Variants in POLN observed in about 807,000 individuals in gnomAD.
POLN encodes the protein DNA polymerase nu, also known as DNA polymerase N.
In POLN, 108 loss-of-function variants were observed where a neutral mutation model predicts 113.5. That is an observed-to-expected ratio of 0.95 (90% CI 0.81 to 1.12). The LOEUF is 1.12. POLN is among the 50% of genes most tolerant of loss of function. The pLI is 0.00. For synonymous variants in POLN, 386 were observed against 391.5 expected (o/e 0.99, Z 0.17); for missense variants, 1,097 against 1,077.1 (o/e 1.02, Z -0.26).
At chr4:2,150,759 A>G (rs773924238) in intron 16 of POLN, among the ~76,000 whole-genome samples, 8 of 152,186 alleles carry the variant, frequency 5.3e-5, no homozygotes, top group Non-Finnish European at 2.9e-5. Flanking sequence ...TTTTCAAGAA[A>G]CGGTACTGGG....
intron 3 of POLN, among the ~76,000 whole-genome samples, chr4:2,225,596 G>C (rs1328787516): frequency 1.3e-5 from 2 of 149,492 alleles, no homozygotes; most frequent in Non-Finnish European, 3.0e-5. Context: ...TGGAATTACA[G>C]ATTTTAGTTT....
chr4:2,166,490 A>G (rs1271992177), intron 13 of POLN, among the ~76,000 whole-genome samples: 2 of 152,064 alleles, frequency 1.3e-5, no homozygotes, highest in Admixed American at 6.5e-5. Flanking sequence ...GTTATGAGAT[A>G]ATGAGACAGC....
chr4:2,143,887 T>A (rs986926085), intron 16 of POLN, among the ~76,000 whole-genome samples: 3 of 152,148 alleles, frequency 2.0e-5, no homozygotes, highest in Non-Finnish European at 4.4e-5. Flanking sequence ...AACCTGTATA[T>A]GAATGTCTTT....
intron 9 of POLN, 68 bp downstream of exon 9, chr4:2,176,198 G>A (rs1732990784): frequency 1.6e-6 from 2 of 1,261,236 alleles, no homozygotes; most frequent in Non-Finnish European, 2.3e-6. Flanking sequence ...CCCTGGGAGT[G>A]CGGGTGCCAA....
intron 13 of POLN, among the ~76,000 whole-genome samples, chr4:2,167,522 A>T (rs568154639): frequency 3.2e-4 from 49 of 152,296 alleles, no homozygotes; most frequent in Admixed American, 6.5e-4. Context: ...TCTTCAGCCC[A>T]CGAGGAGCAT....
intron 23 of POLN, chr4:2,078,801 C>T (rs905690544): frequency 1.0e-5 from 10 of 985,374 alleles, no homozygotes; most frequent in African/African-American, 5.2e-5. Flanking sequence ...GGATGACCAG[C>T]GAGTAACTGC....
intron 19 of POLN, among the ~76,000 whole-genome samples, chr4:2,099,175 C>T (rs1200173521): frequency 6.6e-6 from 1 of 152,064 alleles, no homozygotes; most frequent in African/African-American, 2.4e-5. Flanking sequence ...ATATAGATAC[C>T]CTGTTCTTAA....
chr4:2,072,269 G>A lies in POLN; in HGVS notation c.2548C>T (p.Arg850Cys), dbSNP rs371549801. 5.1e-4 allele frequency: 810 copies of A among 1,591,192 alleles called. 10 individuals carry two copies. In the South Asian group the frequency reaches 8.3e-3, roughly 16 times the overall value. Residue 850 changes from arginine (R) to cysteine (C), a missense_variant, in exon 26 of 26, where the codon CGC (arginine) becomes TGC (cysteine). Transcript: ENST00000511885. The stretch of plus-strand genomic sequence containing the variant: ...AGTGGCACCAGGTGTCCCCATGAGC[G>A]GCCGGCACTCAGGCTCACCTTGAGG... The part of the protein sequence containing the change: ...VPLKVSLSAG[R>C]SWGHLVPLQE...
At chr4:2,112,415 C>G (rs112953979) in intron 19 of POLN, among the ~76,000 whole-genome samples, 11 of 152,132 alleles carry the variant, frequency 7.2e-5, no homozygotes, top group Non-Finnish European at 1.5e-4. Flanking sequence ...AGCTTCTGCA[C>G]AGCAAAAGAA....
chr4:2,186,961 T>A (rs929404290), intron 7 of POLN, among the ~76,000 whole-genome samples: 1 of 152,172 alleles, frequency 6.6e-6, no homozygotes, highest in African/African-American at 2.4e-5. Context: ...CTGAGAAATA[T>A]ATTTGCTGAA....
intron 24 of POLN, among the ~76,000 whole-genome samples, chr4:2,074,737 C>G (rs375149840): frequency 2.0e-5 from 3 of 152,158 alleles, no homozygotes; most frequent in African/African-American, 7.2e-5. Context: ...TCTCCCAACA[C>G]GTGAAGCTGC....
chr4:2,232,161 C>T (rs748859014), intron 2 of POLN: 1 of 1,370,148 alleles, frequency 7.3e-7, no homozygotes, highest in Non-Finnish European at 9.9e-7. Flanking sequence ...CTGTTAACTC[C>T]TAAAAAAGGA....
chr4:2,141,284 G>T (rs1731994720), intron 16 of POLN, among the ~76,000 whole-genome samples: 1 of 152,204 alleles, frequency 6.6e-6, no homozygotes, highest in African/African-American at 2.4e-5. Context: ...AGACATGTGG[G>T]GAAAGCACTT....
Position 2,241,509 on chromosome 4 carries a change from T to C in POLN, c.-13+11A>G, listed in dbSNP as rs1459508341. The C allele has an allele frequency of 2.0e-6, 2 of 985,700 alleles. No homozygotes were observed. The highest frequency in any genetic ancestry group is 4.7e-5 in the South Asian group (1 of 21,322). The allele number at this position is 985,700 out of a possible 1,614,324, so 61.1% of individuals were successfully genotyped here. ...CATGGCACATCTTCTGAAGATCAAC[T>C]AAATATTTACCTCAACGTCTCGCCG... On this transcript the variant is annotated intron_variant, in intron 2 of 25. Transcript: ENST00000511885.
chr4:2,186,317 G>C (rs1733271542), intron 7 of POLN, among the ~76,000 whole-genome samples: 1 of 152,208 alleles, frequency 6.6e-6, no homozygotes, highest in African/African-American at 2.4e-5. Flanking sequence ...ATGGGCAGTG[G>C]TAGAGACTAG....
chr4:2,231,771 C>CTA, intron 2 of POLN: 1 of 531,224 alleles, frequency 1.9e-6, no homozygotes, highest in Non-Finnish European at 3.3e-6. Flanking sequence ...TCTGAATGTA[C>CTA]TACATGAGAA....
intron 9 of POLN, among the ~76,000 whole-genome samples, chr4:2,175,013 G>A (rs543033747): frequency 2.0e-5 from 3 of 152,050 alleles, no homozygotes; most frequent in South Asian, 4.2e-4. Context: ...TAGTAGAGAC[G>A]GAGTTTCGCC....
intron 10 of POLN, 81 bp from the exon 11 acceptor site, chr4:2,174,100 T>G: frequency 2.2e-6 from 3 of 1,346,582 alleles, no homozygotes; most frequent in South Asian, 1.2e-5. Context: ...CGCTCCCTGA[T>G]GAGGACAATA....
intron 19 of POLN, among the ~76,000 whole-genome samples, chr4:2,108,172 A>T (rs1259127808): frequency 6.6e-6 from 1 of 152,168 alleles, no homozygotes; most frequent in East Asian, 1.9e-4. Flanking sequence ...ATGATTCTAA[A>T]CACAGGAGGC....
Sources: gnomAD v4.1 joint callset for allele counts (sites outside exome capture counted in the v4.1 genomes callset) on GRCh38, gnomAD v4.1.1 for gene constraint, MANE v1.5 for transcripts, NCBI Gene and HGNC (gene_info 2026-07-23, HGNC 2026-07-21) for gene names.